GPC6: variants seen among roughly 807,000 people sequenced by gnomAD.
The protein encoded by GPC6 is glypican-6.
A neutral mutation model predicts 55.2 loss-of-function variants in GPC6; 14 were observed. The ratio of observed to expected loss-of-function variants is 0.25; its 90% CI spans 0.17 to 0.40. GPC6 has a LOEUF of 0.40. GPC6 is among the 10% of genes least tolerant of loss of function. The probability of loss-of-function intolerance (pLI) is 1.00; values close to 1 mark genes in which losing one functional copy is unlikely to be tolerated. For synonymous variants in GPC6, 278 were observed against 259.6 expected (o/e 1.07, Z -0.68); for missense variants, 641 against 708.5 (o/e 0.90, Z 1.08).
At chr13:93,474,441 T>C (rs1273943416) in intron 1 of GPC6, among the ~76,000 whole-genome samples, 4 of 152,296 alleles carry the variant, frequency 2.6e-5, no homozygotes, top group Admixed American at 2.6e-4. Context: ...TTTCCAGTTG[T>C]CTGAGCCTTC....
intron 2 of GPC6, among the ~76,000 whole-genome samples, chr13:93,584,582 G>C (rs367788068): frequency 4.6e-5 from 7 of 151,802 alleles, no homozygotes; most frequent in Non-Finnish European, 1.0e-4. Context: ...AAGCTCTTGG[G>C]GTCCTTGATA....
chr13:93,485,986 C>G (rs988917495), intron 1 of GPC6, among the ~76,000 whole-genome samples: 2 of 152,014 alleles, frequency 1.3e-5, no homozygotes, highest in Non-Finnish European at 2.9e-5. Flanking sequence ...CTATGGAAAC[C>G]TGGGAAATAT....
At chr13:93,504,226 A>G (rs1880622969) in intron 1 of GPC6, among the ~76,000 whole-genome samples, 1 of 152,138 alleles carries the variant, frequency 6.6e-6, no homozygotes, top group African/African-American at 2.4e-5. Context: ...ACAAAGACAG[A>G]TGTTATTTTG....
chr13:94,263,484 G>C (rs1891709807), intron 4 of GPC6, among the ~76,000 whole-genome samples: 1 of 152,118 alleles, frequency 6.6e-6, no homozygotes. Context: ...ATACCCCTGT[G>C]CCTCTGCTTT....
intron 4 of GPC6, among the ~76,000 whole-genome samples, chr13:94,074,922 C>T (rs1171318113): frequency 2.0e-5 from 3 of 152,156 alleles, no homozygotes; most frequent in African/African-American, 7.2e-5. Context: ...ATTTTATAAC[C>T]TCTTTCCAGA....
chr13:93,510,971 G>GTGTATATATATATA lies in GPC6; in HGVS notation c.161-34279_161-34278insATGTATATATATAT, dbSNP rs1880939356. On this transcript the variant is annotated intron_variant, in intron 1 of 8. Coordinates refer to ENST00000377047, the MANE Select transcript of GPC6 (RefSeq NM_005708.5). Reference sequence around the variant, plus strand: ...GAGAAATATATATATATATATATATGTGTATATATATATGTGTATATATAT... The same window carrying GTGTATATATATATA: ...GAGAAATATATATATATATATATATGTGTATATATATATATGTATATATATATGTGTATATATAT... Among the ~76,000 whole-genome samples, 6 of 69,784 alleles carry GTGTATATATATATA rather than the reference G, an allele frequency of 8.6e-5. 1 individual carries two copies. The highest frequency in any genetic ancestry group is 4.6e-4 in the Admixed American group (2 of 4,372). The allele number at this position is 69,784 out of a possible 152,430, so 45.8% of individuals were successfully genotyped here. A position where few individuals can be genotyped will look rare whatever the true frequency, so the allele number is the denominator to read the frequency against.
Position 94,296,543 on chromosome 13 carries a change from C to A in GPC6, c.1009-9437C>A, listed in dbSNP as rs77568657. Among the ~76,000 whole-genome samples, 1,065 of 152,318 alleles carry A rather than the reference C, an allele frequency of 7.0e-3. 17 individuals are homozygous for A. The highest frequency in any genetic ancestry group is 0.024 in the African/African-American group (1,001 of 41,564). ...GTATTGTGTTAGAGAAATTTCATGGCCTCTGCCCAGTCTCATAAATACACC... is the reference window on the plus strand; with the variant it reads ...GTATTGTGTTAGAGAAATTTCATGGACTCTGCCCAGTCTCATAAATACACC... On this transcript the variant is annotated intron_variant, in intron 5 of 8. Transcript: ENST00000377047.
intron 4 of GPC6, among the ~76,000 whole-genome samples, chr13:94,040,102 T>C (rs185868486): frequency 8.2e-4 from 124 of 152,020 alleles, no homozygotes; most frequent in African/African-American, 3.0e-3. Context: ...CTATTGGTTA[T>C]GACTTTTTGC....
At chr13:93,926,413 T>C (rs1225711986) in intron 3 of GPC6, among the ~76,000 whole-genome samples, 2 of 152,204 alleles carry the variant, frequency 1.3e-5, no homozygotes, top group Non-Finnish European at 2.9e-5. Context: ...TTAAAGGTAA[T>C]GTGCCCCCAT....
At chr13:93,879,437 A>C (rs1268853742) in intron 3 of GPC6, among the ~76,000 whole-genome samples, 2 of 151,612 alleles carry the variant, frequency 1.3e-5, no homozygotes, top group Non-Finnish European at 1.5e-5. Context: ...GATCTTTGAC[A>C]AACCTGAGAA....
At position 93,886,849 on chromosome 13, in the gene GPC6, A is replaced by T. The variant is rs1343049284; in HGVS notation, c.711+56304A>T. Among the ~76,000 whole-genome samples the T allele has an allele frequency of 2.7e-5, 4 of 150,224 alleles. No individual in the cohort carries two copies. The Admixed American group carries it at 2.7e-4, about 10-fold the overall frequency. ...CGTTTGATTCTCAAACTTCAATTTTAGTCAGTCCATTCTGTTAACTGAGAA... is the reference window on the plus strand; with the variant it reads ...CGTTTGATTCTCAAACTTCAATTTTTGTCAGTCCATTCTGTTAACTGAGAA... On this transcript the variant is annotated intron_variant, in intron 3 of 8. Transcript: ENST00000377047.
At chr13:93,975,566 A>G (rs937043790) in intron 3 of GPC6, among the ~76,000 whole-genome samples, 1 of 152,206 alleles carries the variant, frequency 6.6e-6, no homozygotes, top group African/African-American at 2.4e-5. Context: ...TCCAATTTTT[A>G]GACATATTTT....
intron 5 of GPC6, among the ~76,000 whole-genome samples, chr13:94,294,207 A>G (rs1457116746): frequency 6.6e-6 from 1 of 152,202 alleles, no homozygotes; most frequent in African/African-American, 2.4e-5. Flanking sequence ...CTCACTAGAT[A>G]TCATTTAACT....
chr13:93,285,129 C>T (rs1424671879), intron 1 of GPC6, among the ~76,000 whole-genome samples: 2 of 152,088 alleles, frequency 1.3e-5, no homozygotes, highest in Non-Finnish European at 2.9e-5. Flanking sequence ...AGGTTTAAGT[C>T]CAGTGAGTTC....
intron 2 of GPC6, among the ~76,000 whole-genome samples, chr13:93,748,267 C>T (rs1184719443): frequency 6.6e-6 from 1 of 152,098 alleles, no homozygotes; most frequent in Non-Finnish European, 1.5e-5. Context: ...TTTTTAAATG[C>T]AATCTGAGAA....
At chr13:94,224,998 A>G (rs1445008732) in intron 4 of GPC6, among the ~76,000 whole-genome samples, 1 of 152,104 alleles carries the variant, frequency 6.6e-6, no homozygotes, top group Non-Finnish European at 1.5e-5. Flanking sequence ...AATTTTCCAT[A>G]GAAAGCTCTA....
At chr13:93,608,733 G>C (rs939514342) in intron 2 of GPC6, among the ~76,000 whole-genome samples, 2 of 152,176 alleles carry the variant, frequency 1.3e-5, no homozygotes, top group Non-Finnish European at 2.9e-5. Context: ...GTCCTGCCAC[G>C]TTCAGGGAGA....
At chr13:93,748,524 A>G (rs1229778403) in intron 2 of GPC6, among the ~76,000 whole-genome samples, 1 of 152,026 alleles carries the variant, frequency 6.6e-6, no homozygotes, top group East Asian at 1.9e-4. Flanking sequence ...TTCTAATTCT[A>G]TATTTTCTTA....
intron 7 of GPC6, among the ~76,000 whole-genome samples, chr13:94,387,086 A>T (rs2139213524): frequency 6.6e-6 from 1 of 152,348 alleles, no homozygotes; most frequent in Non-Finnish European, 1.5e-5. Context: ...ATAGAACAGG[A>T]TACACAGCAG....
Sources: allele counts gnomAD v4.1 joint callset (sites outside exome capture counted in the v4.1 genomes callset), GRCh38; gene constraint gnomAD v4.1.1; transcripts MANE v1.5; gene names NCBI Gene and HGNC (gene_info 2026-07-23, HGNC 2026-07-21).